SLC17A8: variants seen among roughly 807,000 people sequenced by gnomAD.
The protein encoded by SLC17A8 is vesicular glutamate transporter 3.
Under a neutral mutation model 58.0 loss-of-function variants are expected in SLC17A8, and 31 were observed. The ratio of observed to expected loss-of-function variants is 0.53; its 90% CI spans 0.40 to 0.72. The LOEUF (loss-of-function observed/expected upper bound fraction) is 0.72. Among genes scored for constraint, SLC17A8 ranks in the 30% least tolerant of loss-of-function variants. The pLI, the probability that SLC17A8 is intolerant of heterozygous loss-of-function variation, is 0.00. For missense variants in SLC17A8, 655 were observed against 727.8 expected (o/e 0.90, Z 1.15); for synonymous variants, 228 against 249.0 (o/e 0.92, Z 0.79).
At position 100,411,431 on chromosome 12, in the gene SLC17A8, G is replaced by T. The variant is rs989190526; in HGVS notation, c.1187-1339G>T. Among the ~76,000 whole-genome samples, 4 of 152,168 alleles carry T rather than the reference G, an allele frequency of 2.6e-5. No homozygotes were observed. The East Asian group carries it at 7.7e-4, about 29-fold the overall frequency. ...GGAGGCAGAAGTTGCAGTGAGCCAA[G>T]ATCATGCCGTTGCACTCCAGCCTGG... On this transcript the variant is annotated intron_variant, in intron 9 of 11. Coordinates refer to ENST00000323346, the MANE Select transcript of SLC17A8 (RefSeq NM_139319.3).
intron 1 of SLC17A8, among the ~76,000 whole-genome samples, chr12:100,377,267 G>A (rs1952600784): frequency 6.6e-6 from 1 of 152,128 alleles, no homozygotes; most frequent in Non-Finnish European, 1.5e-5. Flanking sequence ...CTCATTAAGT[G>A]ACGGTGAGGA....
rs113678813 is a variant in SLC17A8 at position 100,417,985 on chromosome 12, A to G, written c.1298-44A>G. On this transcript the variant is annotated intron_variant, in intron 10 of 11. Coordinates refer to ENST00000323346, the MANE Select transcript of SLC17A8 (RefSeq NM_139319.3). ...GAGTATTTTCCAAAGCATATTTGAAATTCTGTTCTTGACTCTGATTTTGAG... is the reference window on the plus strand; with the variant it reads ...GAGTATTTTCCAAAGCATATTTGAAGTTCTGTTCTTGACTCTGATTTTGAG... 8.1e-6 allele frequency: 13 copies of G among 1,613,768 alleles called. No homozygotes were observed. The African/African-American group carries it at 1.1e-4, about 13-fold the overall frequency.
intron 1 of SLC17A8, among the ~76,000 whole-genome samples, chr12:100,369,335 G>A (rs183235223): frequency 4.0e-4 from 61 of 152,244 alleles, no homozygotes; most frequent in Admixed American, 3.9e-3. Flanking sequence ...TTCCTGGAAG[G>A]ATCAGGTCTG....
At chr12:100,374,604 T>C (rs1277751206) in intron 1 of SLC17A8, among the ~76,000 whole-genome samples, 1 of 152,124 alleles carries the variant, frequency 6.6e-6, no homozygotes, top group Non-Finnish European at 1.5e-5. Flanking sequence ...AGTGCAAGAC[T>C]CCGTCTCAAA....
At chr12:100,394,827 G>GAA (rs1035242506) in intron 4 of SLC17A8, among the ~76,000 whole-genome samples, 1 of 146,402 alleles carries the variant, frequency 6.8e-6, no homozygotes, top group Non-Finnish European at 1.5e-5. Context: ...TACATATATA[G>GAA]TATATATATA....
chr12:100,360,010 G>A (rs1367314873), intron 1 of SLC17A8, among the ~76,000 whole-genome samples: 3 of 152,204 alleles, frequency 2.0e-5, no homozygotes, highest in African/African-American at 7.2e-5. Context: ...TTCTTGAGAT[G>A]CTTTTTAATC....
chr12:100,385,513 C>T (rs1371813185), intron 2 of SLC17A8, among the ~76,000 whole-genome samples: 1 of 152,148 alleles, frequency 6.6e-6, no homozygotes, highest in Non-Finnish European at 1.5e-5. Context: ...GCTGGGATTA[C>T]AGGCGTGAGC....
intron 1 of SLC17A8, among the ~76,000 whole-genome samples, chr12:100,358,849 T>A (rs1186482336): frequency 2.6e-5 from 4 of 152,138 alleles, no homozygotes; most frequent in African/African-American, 9.7e-5. Context: ...AAGTCAAGAA[T>A]AAAAACCATA....
intron 1 of SLC17A8, among the ~76,000 whole-genome samples, 186 bp downstream of exon 1, chr12:100,357,678 T>C (rs1285177079): frequency 6.6e-6 from 1 of 152,132 alleles, no homozygotes; most frequent in African/African-American, 2.4e-5. Flanking sequence ...GCATGAATAG[T>C]ATTGGGTTGT....
chr12:100,373,739 T>C (rs960769999), intron 1 of SLC17A8, among the ~76,000 whole-genome samples: 1 of 151,966 alleles, frequency 6.6e-6, no homozygotes, highest in Non-Finnish European at 1.5e-5. Context: ...TGCCAGCCAC[T>C]ATGCCCAGCT....
Position 100,364,435 on chromosome 12 carries a change from T to C in SLC17A8, c.101+6943T>C, listed in dbSNP as rs546037049. Among the ~76,000 whole-genome samples the C allele has an allele frequency of 3.3e-4, 51 of 152,348 alleles. 1 individual carries two copies. In the South Asian group the frequency reaches 9.7e-3, roughly 29 times the overall value. ...AGGGGCTCAGCATTAGTCTTGTTGC[T>C]GACCGCAGCAGGAGCTAGCTCAGTC... On this transcript the variant is annotated intron_variant, in intron 1 of 11. Coordinates refer to ENST00000323346, the MANE Select transcript of SLC17A8 (RefSeq NM_139319.3).
At chr12:100,406,746 G>A (rs1952828536) in intron 9 of SLC17A8, among the ~76,000 whole-genome samples, 1 of 152,088 alleles carries the variant, frequency 6.6e-6, no homozygotes, top group Admixed American at 6.6e-5. Context: ...ATATTGGCCA[G>A]GCTGGTCTCA....
chr12:100,392,448 T>TA (rs1456954756), intron 3 of SLC17A8, among the ~76,000 whole-genome samples: 1 of 152,140 alleles, frequency 6.6e-6, no homozygotes, highest in African/African-American at 2.4e-5. Context: ...TGGGTTAAGG[T>TA]AAAAAAATTG....
chr12:100,380,706 T>C lies in SLC17A8; in HGVS notation c.107T>C (p.Ile36Thr). 1 of 1,613,926 alleles carries C rather than the reference T, an allele frequency of 6.2e-7. No homozygotes were observed. ...GDSLGILQRK[I>T]DGTTEEEDNI... ...CTATCCTTTTTCCCATGTAGAAAAA[T>C]CGATGGGACAACTGAGGAAGAAGAT... is the stretch of plus-strand genomic sequence containing the variant. Residue 36 changes from isoleucine to threonine, a missense_variant, in exon 2 of 12, where the codon ATC becomes ACC. Transcript: ENST00000323346.
chr12:100,380,633 TG>T, intron 1 of SLC17A8, 67 bp from the exon 2 acceptor site: 1 of 1,591,982 alleles, frequency 6.3e-7, no homozygotes, highest in Non-Finnish European at 8.6e-7. Context: ...TTTTTCTTTT[TG>T]CTTAGTATAC....
At chr12:100,392,475 G>A (rs1389887640) in intron 3 of SLC17A8, among the ~76,000 whole-genome samples, 3 of 152,050 alleles carry the variant, frequency 2.0e-5, no homozygotes, top group Non-Finnish European at 4.4e-5. Flanking sequence ...ACTACCATAA[G>A]ATCTAAATAG....
At chr12:100,403,489 A>G (rs1952806097) in intron 8 of SLC17A8, among the ~76,000 whole-genome samples, 1 of 152,074 alleles carries the variant, frequency 6.6e-6, no homozygotes, top group Non-Finnish European at 1.5e-5. Context: ...AGAAGAAGAA[A>G]AAATAAACAG....
intron 9 of SLC17A8, among the ~76,000 whole-genome samples, chr12:100,409,238 T>A (rs1289276439): frequency 6.6e-6 from 1 of 152,058 alleles, no homozygotes; most frequent in East Asian, 1.9e-4. Flanking sequence ...CAGGCTGGAG[T>A]GCAGTGGTGC....
intron 1 of SLC17A8, among the ~76,000 whole-genome samples, chr12:100,369,388 T>G (rs7973350): frequency 0.68 from 103,085 of 152,148 alleles, 37,293 homozygotes; most frequent in East Asian, 0.99. Flanking sequence ...AACATATACT[T>G]CTAGACTGTT....
Sources: allele counts gnomAD v4.1 joint callset (sites outside exome capture counted in the v4.1 genomes callset), GRCh38; gene constraint gnomAD v4.1.1; transcripts MANE v1.5; gene names NCBI Gene and HGNC (gene_info 2026-07-23, HGNC 2026-07-21).